The following COLEC10 variants were observed in gnomAD, a reference collection of about 807,000 sequenced individuals.
COLEC10 encodes collectin subfamily member 10.
A neutral mutation model predicts 28.4 loss-of-function variants in COLEC10; 22 were observed. The observed-to-expected ratio is 0.78, with a 90% confidence interval of 0.55 to 1.11. The LOEUF (loss-of-function observed/expected upper bound fraction) is 1.11, where lower values mean the gene tolerates loss of function less well. Ranked by LOEUF, COLEC10 falls within the 50% of genes least tolerant of loss-of-function variation. The pLI is 0.00. For synonymous variants in COLEC10, 125 were observed against 116.1 expected (o/e 1.08, Z -0.49); for missense variants, 361 against 344.1 (o/e 1.05, Z -0.39).
chr8:119,056,144 C>A (rs1379372866), intron 2 of COLEC10, among the ~76,000 whole-genome samples: 1 of 152,040 alleles, frequency 6.6e-6, no homozygotes, highest in Non-Finnish European at 1.5e-5. Context: ...GATCTTGTCA[C>A]TTCCACTTGT....
intron 2 of COLEC10, among the ~76,000 whole-genome samples, chr8:119,048,429 T>C (rs1386875718): frequency 1.3e-5 from 2 of 152,212 alleles, no homozygotes; most frequent in Non-Finnish European, 2.9e-5. Flanking sequence ...AATCTAACAT[T>C]GTCAGTGGGA....
At chr8:119,052,079 G>A (rs1400783563) in intron 2 of COLEC10, among the ~76,000 whole-genome samples, 5 of 152,132 alleles carry the variant, frequency 3.3e-5, no homozygotes, top group Non-Finnish European at 4.4e-5. Context: ...CCTGGTGATA[G>A]AAAATACACC....
chr8:119,008,952 T>C (rs76271417), intron 1 of COLEC10, among the ~76,000 whole-genome samples: 1 of 151,000 alleles, frequency 6.6e-6, no homozygotes, highest in Admixed American at 6.6e-5. Flanking sequence ...CTTTTTTTCC[T>C]GAGCATTATT....
At chr8:119,085,215 G>A (rs1815448717) in intron 1 of COLEC10, among the ~76,000 whole-genome samples, 1 of 152,158 alleles carries the variant, frequency 6.6e-6, no homozygotes, top group East Asian at 1.9e-4. Flanking sequence ...AGGATAGCCA[G>A]GAGTAGGCAG....
In COLEC10 at chr8:119,073,941, C is replaced by T. The variant is rs1815172958; in HGVS notation, c.148+6512C>T. Among the ~76,000 whole-genome samples the T allele has an allele frequency of 2.5e-4, 17 of 67,178 alleles. 2 individuals are homozygous for T. In the South Asian group the frequency reaches 6.2e-3, roughly 24 times the overall value. 44.1% of individuals were successfully genotyped at this position (67,178 alleles called of 152,430 possible). A position where few individuals can be genotyped will look rare whatever the true frequency, so the allele number is the denominator to read the frequency against. The stretch of plus-strand genomic sequence containing the variant: ...TATATATGTGTATATATAAAACGTA[C>T]ATATATACACATATATACACATATA... On this transcript the variant is annotated intron_variant, in intron 1 of 5. Transcript: ENST00000332843.
At chr8:119,007,133 T>G (rs1390683154) in intron 1 of COLEC10, among the ~76,000 whole-genome samples, 2 of 152,070 alleles carry the variant, frequency 1.3e-5, no homozygotes, top group African/African-American at 4.8e-5. Context: ...AACAGTTCCC[T>G]AGGAATATCG....
intron 3 of COLEC10, among the ~76,000 whole-genome samples, chr8:119,097,190 A>G (rs933596833): frequency 1.3e-5 from 2 of 152,118 alleles, no homozygotes; most frequent in African/African-American, 4.8e-5. Flanking sequence ...TATTGTTTAC[A>G]CAGGTATTTT....
the COLEC10 span, among the ~76,000 whole-genome samples, chr8:118,973,668 G>C: frequency 6.6e-6 from 1 of 152,032 alleles, no homozygotes; most frequent in East Asian, 1.9e-4. Flanking sequence ...CATAAATCTT[G>C]CTCACTCTCA....
intron 2 of COLEC10, among the ~76,000 whole-genome samples, chr8:119,034,247 TG>T (rs919301715): frequency 6.6e-6 from 1 of 151,152 alleles, no homozygotes; most frequent in Admixed American, 6.6e-5. Context: ...TATTGGAGGA[TG>T]GGGGGTGGGG....
At chr8:118,996,572 T>C (rs1416296598) in intron 1 of COLEC10, among the ~76,000 whole-genome samples, 1 of 152,192 alleles carries the variant, frequency 6.6e-6, no homozygotes, top group Non-Finnish European at 1.5e-5. Flanking sequence ...AGGTGATATC[T>C]CATTGTGGTT....
chr8:119,005,334 G>A (rs142711913), intron 1 of COLEC10, among the ~76,000 whole-genome samples: 50 of 152,234 alleles, frequency 3.3e-4, no homozygotes, highest in South Asian at 6.2e-4. Context: ...AACCAGTTCT[G>A]TATTGAATTC....
chr8:119,032,448 CT>C (rs1371407973), intron 2 of COLEC10, among the ~76,000 whole-genome samples: 1 of 152,110 alleles, frequency 6.6e-6, no homozygotes, highest in African/African-American at 2.4e-5. Flanking sequence ...TCAGTGTGAT[CT>C]TTGGTTCAAT....
At chr8:119,081,566 G>GA (rs943920324) in intron 1 of COLEC10, among the ~76,000 whole-genome samples, 12 of 151,968 alleles carry the variant, frequency 7.9e-5, no homozygotes, top group South Asian at 4.2e-4. Flanking sequence ...AATTGAAAAT[G>GA]AAAAAAATGT....
chr8:119,004,349 C>A (rs1371242680), intron 1 of COLEC10, among the ~76,000 whole-genome samples: 1 of 151,626 alleles, frequency 6.6e-6, no homozygotes, highest in African/African-American at 2.4e-5. Flanking sequence ...ACTTGTGTTA[C>A]TTCACTTTCA....
At chr8:119,032,477 G>A (rs1385276537) in intron 2 of COLEC10, among the ~76,000 whole-genome samples, 1 of 152,130 alleles carries the variant, frequency 6.6e-6, no homozygotes, top group African/African-American at 2.4e-5. Flanking sequence ...TTCGTTAAAG[G>A]CCCACTGGAA....
chr8:118,984,821 A>G, the COLEC10 span, among the ~76,000 whole-genome samples: 1 of 152,212 alleles, frequency 6.6e-6, no homozygotes, highest in African/African-American at 2.4e-5. Flanking sequence ...TCACAGTTCC[A>G]TGTGGCTGAA....
chr8:119,021,354 C>T (rs1350784164), intron 2 of COLEC10, among the ~76,000 whole-genome samples: 1 of 152,112 alleles, frequency 6.6e-6, no homozygotes, highest in Non-Finnish European at 1.5e-5. Flanking sequence ...TAAACAGGTC[C>T]TCTCATTCAT....
At chr8:118,995,941 T>C (rs186526437) in intron 1 of COLEC10, among the ~76,000 whole-genome samples, 17 of 152,234 alleles carry the variant, frequency 1.1e-4, no homozygotes, top group African/African-American at 3.6e-4. Flanking sequence ...AGAGGTACAG[T>C]ACAGTATTGT....
chr8:119,058,991 A>G (rs1814809041), intron 2 of COLEC10, among the ~76,000 whole-genome samples: 1 of 152,094 alleles, frequency 6.6e-6, no homozygotes, highest in African/African-American at 2.4e-5. Context: ...ATTGAAATCT[A>G]ATGAATAAAA....
Sources: allele counts gnomAD v4.1 joint callset (sites outside exome capture counted in the v4.1 genomes callset), GRCh38; gene constraint gnomAD v4.1.1; transcripts MANE v1.5; gene names NCBI Gene and HGNC (gene_info 2026-07-23, HGNC 2026-07-21).